DHX29: variants seen among roughly 807,000 people sequenced by gnomAD.
DHX29 encodes the protein ATP-dependent RNA helicase DHX29.
A neutral mutation model predicts 167.9 loss-of-function variants in DHX29; 79 were observed. That is an observed-to-expected ratio of 0.47 (90% CI 0.39 to 0.57). The LOEUF is 0.57. DHX29 is among the 20% of genes least tolerant of loss of function. The probability of loss-of-function intolerance (pLI) is 0.00; values close to 1 mark genes in which losing one functional copy is unlikely to be tolerated. For missense variants in DHX29, 1,347 were observed against 1,593.4 expected (o/e 0.85, Z 2.63); for synonymous variants, 530 against 546.0 (o/e 0.97, Z 0.41).
At chr5:55,288,443 C>T (rs944316872) in intron 8 of DHX29, among the ~76,000 whole-genome samples, 4 of 150,462 alleles carry the variant, frequency 2.7e-5, no homozygotes, top group African/African-American at 7.3e-5. Context: ...ATACTATTTA[C>T]TATATACTAT....
chr5:55,277,724 G>A (rs1156328549), intron 12 of DHX29, among the ~76,000 whole-genome samples: 1 of 151,888 alleles, frequency 6.6e-6, no homozygotes, highest in Admixed American at 6.6e-5. Context: ...TGGCCAACAT[G>A]ACGAAACCCT....
rs768046607 is a variant in DHX29, at chr5:55,281,391, G to GAC, written c.2088_2089dup (p.Ser697CysfsTer6). ...ACTCACCTCATCTACAATAACATGA[G>GAC]ACACATTACTTAGAAGACCATCTTC... is the stretch of plus-strand genomic sequence containing the variant. On this transcript the variant is annotated frameshift_variant, in exon 12 of 27. Transcript: ENST00000251636. LOFTEE classifies it high-confidence loss of function. The GAC allele has an allele frequency of 2.5e-6, 4 of 1,598,374 alleles. No homozygotes were observed. The highest frequency in any genetic ancestry group is 3.4e-6 in the Non-Finnish European group (4 of 1,172,520).
intron 1 of DHX29, among the ~76,000 whole-genome samples, chr5:55,303,669 A>G (rs1748715773): frequency 6.6e-6 from 1 of 152,192 alleles, no homozygotes; most frequent in African/African-American, 2.4e-5. Context: ...GCCACACAGC[A>G]CTATCTTCTT....
intron 1 of DHX29, among the ~76,000 whole-genome samples, chr5:55,306,623 T>C (rs1251324842): frequency 6.6e-6 from 1 of 152,182 alleles, no homozygotes; most frequent in Non-Finnish European, 1.5e-5. Context: ...ATTCCTCACA[T>C]CTTATCAGAC....
Position 55,269,398 on chromosome 5 carries a change from C to T in DHX29, c.3294+15G>A, listed in dbSNP as rs1290632439. The T allele has an allele frequency of 3.1e-6, 5 of 1,607,828 alleles. No individual in the cohort carries two copies. Among genetic ancestry groups the T allele is most frequent in the Admixed American group, 1.7e-5 (1 of 59,984 alleles). ...GATATTTAAAGTAAAGAAGCAGCAG[C>T]ATTGTTTGACTTACCACTGGGTCAA... is the stretch of plus-strand genomic sequence containing the variant. On this transcript the variant is annotated intron_variant, in intron 21 of 26. Transcript: ENST00000251636.
At chr5:55,274,358 C>T (rs987837466) in intron 16 of DHX29, among the ~76,000 whole-genome samples, 5 of 152,058 alleles carry the variant, frequency 3.3e-5, no homozygotes, top group Admixed American at 6.6e-5. Context: ...CGTGCCACTA[C>T]ACTCCATCCT....
chr5:55,283,582 G>A lies in DHX29; in HGVS notation c.1586C>T (p.Ser529Leu), dbSNP rs777465984. The A allele has an allele frequency of 2.9e-5, 47 of 1,613,964 alleles. No homozygotes were observed. The highest frequency in any genetic ancestry group is 1.6e-4 in the Middle Eastern group (1 of 6,084). Residue 529 changes from serine (S) to leucine (L), a missense_variant, in exon 11 of 27, where the codon TCG becomes TTG. Ser to Leu is a moderately radical substitution (Grantham distance 145, BLOSUM62 -2). This residue lies in a region of DHX29 where 882 missense variants were observed against 1,082.4 expected (regional missense o/e 0.81). Transcript: ENST00000251636. ...GGACAGTGCAGAAAAATCCTCATCC[G>A]AAACTAAATTTTCCCAAGATTCCTC... ...DPEESWENLV[S>L]DEDFSALSLE...
chr5:55,269,824 T>TA (rs1054731327), intron 20 of DHX29, among the ~76,000 whole-genome samples, 187 bp from the exon 21 acceptor site: 4 of 151,396 alleles, frequency 2.6e-5, no homozygotes, highest in Non-Finnish European at 5.9e-5. Context: ...AGTGTATGAG[T>TA]GTATGTGTGT....
intron 1 of DHX29, among the ~76,000 whole-genome samples, chr5:55,305,044 G>C (rs187116251): frequency 8.8e-4 from 134 of 152,216 alleles, no homozygotes; most frequent in African/African-American, 2.9e-3. Context: ...TTCCTTACCA[G>C]TTATCCAAGT....
At chr5:55,282,021 G>A (rs1445594815) in intron 11 of DHX29, among the ~76,000 whole-genome samples, 3 of 151,864 alleles carry the variant, frequency 2.0e-5, no homozygotes, top group Non-Finnish European at 1.5e-5. Flanking sequence ...CCTGACCTCA[G>A]GTGATCCCCC....
Position 55,269,582 on chromosome 5 carries a change from T to G in DHX29, c.3125A>C (p.Gln1042Pro), listed in dbSNP as rs1171104574. ...DFLSKALDPP[Q>P]LQVISNAMNL... is the part of the protein sequence containing the mutation. ...CATTGCATTGCTGATCACTTGGAGC[T>G]GAGGAGGATCTAAGGCTTTGGAGAG... Residue 1042 changes from glutamine to proline, a missense_variant, in exon 21 of 27, where the codon CAG becomes CCG. Gln to Pro is a moderately conservative substitution (Grantham distance 76). Around this residue, in one of 3 missense-constraint regions of DHX29, gnomAD observed 882 missense variants for 1,082.4 expected, o/e 0.81. Transcript: ENST00000251636. The G allele has an allele frequency of 6.2e-7, 1 of 1,614,110 alleles. No individual in the cohort carries two copies. The highest frequency in any genetic ancestry group is 8.5e-7 in the Non-Finnish European group (1 of 1,180,020).
intron 11 of DHX29, among the ~76,000 whole-genome samples, chr5:55,282,329 G>C (rs951337120): frequency 2.6e-5 from 4 of 152,166 alleles, no homozygotes; most frequent in Non-Finnish European, 4.4e-5. Flanking sequence ...TACTAGGAGT[G>C]CCTAGCGGAA....
At chr5:55,266,575 G>A (rs1423956378) in intron 23 of DHX29, among the ~76,000 whole-genome samples, 1 of 147,012 alleles carries the variant, frequency 6.8e-6, no homozygotes, top group African/African-American at 2.6e-5. Context: ...ATGAAAAACT[G>A]AGACTTCTAA....
intron 23 of DHX29, among the ~76,000 whole-genome samples, 166 bp downstream of exon 23, chr5:55,266,971 AC>A (rs1458074271): frequency 1.3e-5 from 2 of 151,232 alleles, no homozygotes; most frequent in Non-Finnish European, 2.9e-5. Flanking sequence ...TGTAATACGT[AC>A]AAGTTACTTG....
chr5:55,283,895 A>G (rs1747578786), intron 10 of DHX29, 84 bp from the exon 11 acceptor site: 7 of 1,111,746 alleles, frequency 6.3e-6, no homozygotes, highest in African/African-American at 1.6e-5. Context: ...GGATAGCTAT[A>G]TTCATCTTAA....
Position 55,290,153 on chromosome 5 carries a change from T to C in DHX29, c.907+65A>G, listed in dbSNP as rs954946516. On this transcript the variant is annotated intron_variant, in intron 7 of 26. Coordinates refer to ENST00000251636, the MANE Select transcript of DHX29 (RefSeq NM_019030.4). ...ACATATTAAAAGGAAGCATCATCCA[T>C]CCCAGGAAGGCCAACAAATAGAAGA... is the stretch of plus-strand genomic sequence containing the variant. 199 of 1,542,300 alleles carry C rather than the reference T, an allele frequency of 1.3e-4. 1 individual carries two copies. The highest frequency in any genetic ancestry group is 2.0e-5 in the Non-Finnish European group (23 of 1,146,020).
chr5:55,273,192 G>T, intron 17 of DHX29, 101 bp downstream of exon 17: 2 of 1,256,698 alleles, frequency 1.6e-6, no homozygotes, highest in Non-Finnish European at 2.1e-6. Context: ...GCGCTATAAG[G>T]CACTTAATGT....
intron 8 of DHX29, among the ~76,000 whole-genome samples, chr5:55,286,349 C>T (rs1206088837): frequency 2.6e-5 from 4 of 151,936 alleles, no homozygotes; most frequent in Admixed American, 2.0e-4. Flanking sequence ...GGATAGAACC[C>T]GGGAAAATTC....
intron 12 of DHX29, among the ~76,000 whole-genome samples, chr5:55,281,117 T>C (rs1228031697): frequency 6.7e-6 from 1 of 149,872 alleles, no homozygotes. Flanking sequence ...TATATATATG[T>C]ACACACACAC....
Sources: allele counts gnomAD v4.1 joint callset (sites outside exome capture counted in the v4.1 genomes callset), GRCh38; gene constraint gnomAD v4.1.1; regional missense constraint gnomAD v4.1.1; transcripts MANE v1.5; gene names NCBI Gene and HGNC (gene_info 2026-07-23, HGNC 2026-07-21).